Variants in EPB41L2 observed in about 807,000 individuals in gnomAD.
EPB41L2 encodes the protein erythrocyte membrane protein band 4.1 like 2.
EPB41L2 carries 43 observed loss-of-function variants against 113.0 expected under a neutral mutation model. The ratio of observed to expected loss-of-function variants is 0.38; its 90% CI spans 0.30 to 0.49. The LOEUF (loss-of-function observed/expected upper bound fraction) is 0.49, where lower values mean the gene tolerates loss of function less well. Among genes scored for constraint, EPB41L2 ranks in the 20% least tolerant of loss-of-function variants. The pLI, the probability that EPB41L2 is intolerant of heterozygous loss-of-function variation, is 0.95. For missense variants in EPB41L2, 1,147 were observed against 1,223.4 expected (o/e 0.94, Z 0.93); for synonymous variants, 442 against 436.7 (o/e 1.01, Z -0.15).
intron 4 of EPB41L2, among the ~76,000 whole-genome samples, chr6:130,917,825 C>A (rs1313430453): frequency 6.6e-6 from 1 of 152,148 alleles, no homozygotes; most frequent in African/African-American, 2.4e-5. Flanking sequence ...ACCCTAAGAC[C>A]CCAGAGTTCG....
At chr6:130,862,613 T>C (rs1461117332) in intron 18 of EPB41L2, among the ~76,000 whole-genome samples, 3 of 152,192 alleles carry the variant, frequency 2.0e-5, no homozygotes, top group Non-Finnish European at 4.4e-5. Context: ...TATGTCAAAA[T>C]CCAGAGTCAA....
intron 1 of EPB41L2, among the ~76,000 whole-genome samples, chr6:131,008,328 C>T (rs923629843): frequency 4.6e-5 from 7 of 152,240 alleles, no homozygotes; most frequent in East Asian, 1.9e-4. Context: ...GTTGACCCTG[C>T]GGGCGCGCAG....
At chr6:130,877,948 G>A (rs1157425252) in intron 14 of EPB41L2, among the ~76,000 whole-genome samples, 156 bp downstream of exon 14, 1 of 151,990 alleles carries the variant, frequency 6.6e-6, no homozygotes, top group African/African-American at 2.4e-5. Flanking sequence ...CTATTACATT[G>A]TTAATATTTA....
At chr6:130,867,358 A>C in intron 16 of EPB41L2, 101 bp downstream of exon 16, 1 of 1,480,014 alleles carries the variant, frequency 6.8e-7, no homozygotes. Flanking sequence ...AAAAAGCTAC[A>C]TCAAAGCCAG....
chr6:131,048,321 T>A (rs1795893370), intron 1 of EPB41L2, among the ~76,000 whole-genome samples: 1 of 152,172 alleles, frequency 6.6e-6, no homozygotes, highest in Non-Finnish European at 1.5e-5. Context: ...GGGGTTTTTG[T>A]TGTATTTTTT....
intron 1 of EPB41L2, among the ~76,000 whole-genome samples, chr6:130,968,284 A>G (rs1235311701): frequency 1.3e-5 from 2 of 152,218 alleles, no homozygotes; most frequent in Admixed American, 1.3e-4. Flanking sequence ...AGCTTGTCAA[A>G]GTCAATCAAC....
intron 19 of EPB41L2, among the ~76,000 whole-genome samples, chr6:130,857,040 T>C (rs1036429334): frequency 2.6e-5 from 4 of 152,346 alleles, no homozygotes; most frequent in Admixed American, 6.5e-5. Context: ...AATATTTGTA[T>C]ATATTTCTGA....
At chr6:130,951,546 C>T (rs113792411) in intron 3 of EPB41L2, among the ~76,000 whole-genome samples, 2,588 of 151,470 alleles carry the variant, frequency 0.017, 82 homozygotes, top group African/African-American at 0.058. Context: ...AGGTTGGTCT[C>T]GAGCCCCTGA....
intron 3 of EPB41L2, among the ~76,000 whole-genome samples, chr6:130,931,603 C>G (rs550909459): frequency 4.6e-5 from 7 of 151,874 alleles, no homozygotes; most frequent in African/African-American, 1.7e-4. Flanking sequence ...TCGATTGGGT[C>G]GGCTCAGACA....
chr6:130,992,368 T>C (rs1237112305), intron 1 of EPB41L2, among the ~76,000 whole-genome samples: 2 of 152,080 alleles, frequency 1.3e-5, no homozygotes, highest in African/African-American at 4.8e-5. Flanking sequence ...ATCAAATCCC[T>C]AGGGGAAAGC....
chr6:130,974,200 A>C (rs1777580783), intron 1 of EPB41L2, among the ~76,000 whole-genome samples: 1 of 152,140 alleles, frequency 6.6e-6, no homozygotes, highest in South Asian at 2.1e-4. Flanking sequence ...TGTACTCATA[A>C]AAAGAAGCAC....
chr6:130,992,599 G>A (rs1280573600), intron 1 of EPB41L2, among the ~76,000 whole-genome samples: 2 of 151,486 alleles, frequency 1.3e-5, no homozygotes, highest in Non-Finnish European at 1.5e-5. Flanking sequence ...TCCTTTCTCT[G>A]TATGTATTTC....
intron 1 of EPB41L2, among the ~76,000 whole-genome samples, chr6:131,026,266 A>G (rs1216907816): frequency 6.6e-6 from 1 of 152,244 alleles, no homozygotes; most frequent in Admixed American, 6.5e-5. Context: ...AAGCTTTATC[A>G]TTATAACCAA....
rs1799076809 is a variant in EPB41L2 at position 131,063,194 on chromosome 6, T to A, written c.-54A>T. On this transcript the variant is annotated 5_prime_UTR_variant, in exon 1 of 20. Coordinates refer to ENST00000337057, the MANE Select transcript of EPB41L2 (RefSeq NM_001431.4). ...CGCCGCGGGACCCGTCCCTCTTCAG[T>A]CCCAGCCGCCGGCAGCCGCGCCTGC... 6.5e-6 allele frequency: 1 copy of A among 152,734 alleles called. No individual in the cohort carries two copies. 9.5% of individuals were successfully genotyped at this position (152,734 alleles called of 1,614,324 possible).
intron 18 of EPB41L2, among the ~76,000 whole-genome samples, chr6:130,859,374 G>A (rs1195229835): frequency 2.6e-5 from 4 of 151,926 alleles, no homozygotes; most frequent in African/African-American, 7.2e-5. Flanking sequence ...CACCAGGCTT[G>A]GCTGGCGCAC....
chr6:131,052,376 T>C (rs1796741076), intron 1 of EPB41L2, among the ~76,000 whole-genome samples: 1 of 152,138 alleles, frequency 6.6e-6, no homozygotes, highest in South Asian at 2.1e-4. Flanking sequence ...CTGCACACAG[T>C]TATATAGCAA....
In EPB41L2 at chr6:130,954,154, G is replaced by A. The variant is rs576517156; in HGVS notation, c.705+951C>T. On this transcript the variant is annotated intron_variant, in intron 3 of 19. Coordinates refer to ENST00000337057, the MANE Select transcript of EPB41L2 (RefSeq NM_001431.4). ...CACAAGCTCCGCCTCCCGGGTTCAC[G>A]CCATTCTCCTGCCTCAGCCTCCCCA... Among the ~76,000 whole-genome samples the A allele has an allele frequency of 1.2e-3, 163 of 141,096 alleles. 1 individual carries two copies. Among genetic ancestry groups the A allele is most frequent in the Non-Finnish European group, 1.9e-3 (123 of 66,220 alleles). 92.6% of individuals were successfully genotyped at this position (141,096 alleles called of 152,430 possible). A position where few individuals can be genotyped will look rare whatever the true frequency, so the allele number is the denominator to read the frequency against.
chr6:131,050,820 C>CT (rs1254681628), intron 1 of EPB41L2, among the ~76,000 whole-genome samples: 4 of 152,152 alleles, frequency 2.6e-5, no homozygotes, highest in Admixed American at 2.6e-4. Flanking sequence ...TCTTGAATTC[C>CT]TGAGCTTAAA....
At chr6:131,035,237 G>T (rs773877820) in intron 1 of EPB41L2, among the ~76,000 whole-genome samples, 10 of 152,200 alleles carry the variant, frequency 6.6e-5, no homozygotes, top group Admixed American at 6.5e-4. Flanking sequence ...AGCAAAGCCA[G>T]CAATGACAAT....
Sources: allele counts gnomAD v4.1 joint callset (sites outside exome capture counted in the v4.1 genomes callset), GRCh38; gene constraint gnomAD v4.1.1; transcripts MANE v1.5; gene names NCBI Gene and HGNC (gene_info 2026-07-23, HGNC 2026-07-21).